UBE2Q2: variants seen among roughly 807,000 people sequenced by gnomAD.
The protein encoded by UBE2Q2 is ubiquitin conjugating enzyme E2 Q2.
UBE2Q2 carries 54 observed loss-of-function variants against 59.9 expected under a neutral mutation model. The ratio of observed to expected loss-of-function variants is 0.90; its 90% confidence interval spans 0.72 to 1.13. UBE2Q2 has a LOEUF of 1.13. UBE2Q2 is among the 50% of genes most tolerant of loss of function. The probability of loss-of-function intolerance (pLI) is 0.00; values close to 1 mark genes in which losing one functional copy is unlikely to be tolerated. For missense variants in UBE2Q2, 433 were observed against 441.9 expected (o/e 0.98, Z 0.18); for synonymous variants, 165 against 155.2 (o/e 1.06, Z -0.47).
At chr15:75,878,590 C>A (rs947515725) in intron 7 of UBE2Q2, among the ~76,000 whole-genome samples, 37 of 109,404 alleles carry the variant, frequency 3.4e-4, no homozygotes, top group Admixed American at 1.2e-4. Flanking sequence ...GAATGAGGCA[C>A]CCGGTCTCTT....
rs1595896359 is a variant in UBE2Q2, at chr15:75,890,000, A to G, written c.885-435A>G. Among the ~76,000 whole-genome samples, 4 of 152,192 alleles carry G rather than the reference A, an allele frequency of 2.6e-5. No individual in the cohort carries two copies. The East Asian group carries it at 5.8e-4, about 22-fold the overall frequency. Reference sequence around the variant, plus strand: ...AAAACAATTTGAACCATAAAACCATACAGATCTTCATAGCATGGATAGGGT... The same window carrying G: ...AAAACAATTTGAACCATAAAACCATGCAGATCTTCATAGCATGGATAGGGT... On this transcript the variant is annotated intron_variant, in intron 9 of 12. Coordinates refer to ENST00000267938, the MANE Select transcript of UBE2Q2 (RefSeq NM_173469.4).
chr15:75,845,368 A>T (rs1380750250), intron 1 of UBE2Q2, among the ~76,000 whole-genome samples: 1 of 152,218 alleles, frequency 6.6e-6, no homozygotes, highest in East Asian at 1.9e-4. Context: ...GAAGCCCACG[A>T]TACAGGCTGG....
chr15:75,898,287 T>C (rs892798446), intron 12 of UBE2Q2, among the ~76,000 whole-genome samples: 1 of 152,112 alleles, frequency 6.6e-6, no homozygotes, highest in Admixed American at 6.6e-5. Flanking sequence ...AGTGTGTGGG[T>C]ATGTGTAAGC....
chr15:75,891,184 TAAAGA>T (rs1899081902), intron 11 of UBE2Q2, among the ~76,000 whole-genome samples, 170 bp downstream of exon 11: 2 of 152,222 alleles, frequency 1.3e-5, no homozygotes, highest in Admixed American at 1.3e-4. Context: ...ATAAGAAAAT[TAAAGA>T]TACTAATTGA....
Position 75,899,522 on chromosome 15 carries a change from CA to C in UBE2Q2, c.*68del. 1 of 1,425,308 alleles carries C rather than the reference CA, an allele frequency of 7.0e-7. No homozygotes were observed. The highest frequency in any genetic ancestry group is 9.7e-7 in the Non-Finnish European group (1 of 1,035,368). The allele number at this position is 1,425,308 out of a possible 1,614,324, so 88.3% of individuals were successfully genotyped here. ...AAAGAAAATCTTTCTAACATGCAGA[CA>C]AAAGCTTTGAGTGCCCCTATTACAG... On this transcript the variant is annotated 3_prime_UTR_variant, in exon 13 of 13. Transcript: ENST00000267938.
At chr15:75,875,415 A>AT (rs1268009120) in intron 5 of UBE2Q2, among the ~76,000 whole-genome samples, 1 of 152,182 alleles carries the variant, frequency 6.6e-6, no homozygotes, top group African/African-American at 2.4e-5. Flanking sequence ...ATCTTTAGAG[A>AT]TGTCCCTGCA....
At chr15:75,861,872 C>T (rs1015410179) in intron 3 of UBE2Q2, among the ~76,000 whole-genome samples, 38 of 152,142 alleles carry the variant, frequency 2.5e-4, no homozygotes, top group Admixed American at 1.0e-3. Context: ...GTGGTTTAGA[C>T]GGTGGCAGGG....
chr15:75,875,274 T>C (rs941156689), intron 5 of UBE2Q2, among the ~76,000 whole-genome samples: 2 of 123,950 alleles, frequency 1.6e-5, no homozygotes. Flanking sequence ...TTTGTAGATA[T>C]GAAATGAGCT....
rs1896124610 is a variant in UBE2Q2, at chr15:75,843,503, C to T, written c.-164C>T. 3.0e-6 allele frequency: 1 copy of T among 333,820 alleles called. No homozygotes were observed. The highest frequency in any genetic ancestry group is 6.6e-5 in the East Asian group (1 of 15,210). 20.7% of individuals were successfully genotyped at this position (333,820 alleles called of 1,614,324 possible). On this transcript the variant is annotated 5_prime_UTR_variant, in exon 1 of 13. Transcript: ENST00000267938. ...AGGCCGCCACACGCCGAGGCTTCCG[C>T]GCCCCTCGCCATTTTCCAGCAGCGC...
At chr15:75,860,208 C>T (rs747330809) in intron 3 of UBE2Q2, among the ~76,000 whole-genome samples, 6 of 152,192 alleles carry the variant, frequency 3.9e-5, no homozygotes, top group Non-Finnish European at 5.9e-5. Flanking sequence ...CTTCTCTCTA[C>T]CACCACCTTT....
intron 5 of UBE2Q2, among the ~76,000 whole-genome samples, chr15:75,874,947 C>T (rs1897995889): frequency 6.6e-6 from 1 of 152,188 alleles, no homozygotes; most frequent in South Asian, 2.1e-4. Context: ...GTAGATTACT[C>T]TCCCTCCTTC....
intron 5 of UBE2Q2, among the ~76,000 whole-genome samples, chr15:75,874,829 A>G (rs1347353828): frequency 2.0e-5 from 3 of 152,346 alleles, no homozygotes; most frequent in Non-Finnish European, 2.9e-5. Flanking sequence ...TGTTAGAGCT[A>G]TTGACCAACT....
chr15:75,892,688 C>T (rs956227153), intron 11 of UBE2Q2, among the ~76,000 whole-genome samples: 3 of 151,774 alleles, frequency 2.0e-5, no homozygotes, highest in African/African-American at 4.8e-5. Flanking sequence ...GGTGAGAACT[C>T]GTCTACACAA....
intron 3 of UBE2Q2, among the ~76,000 whole-genome samples, chr15:75,866,651 C>G (rs533219390): frequency 6.6e-6 from 1 of 152,214 alleles, no homozygotes; most frequent in South Asian, 2.1e-4. Flanking sequence ...TGTTTTCTCC[C>G]CCATCTCCTT....
chr15:75,857,479 A>G (rs926136769), intron 2 of UBE2Q2, among the ~76,000 whole-genome samples: 1 of 152,196 alleles, frequency 6.6e-6, no homozygotes, highest in Admixed American at 6.5e-5. Flanking sequence ...GTTTATCAAA[A>G]CCTAGTTTCT....
At chr15:75,864,820 ATTAT>A (rs1282531530) in intron 3 of UBE2Q2, among the ~76,000 whole-genome samples, 3 of 152,006 alleles carry the variant, frequency 2.0e-5, no homozygotes, top group Non-Finnish European at 2.9e-5. Flanking sequence ...TTATGTCTTA[ATTAT>A]TTCCCCTTTT....
intron 1 of UBE2Q2, chr15:75,844,690 T>G: frequency 2.0e-6 from 1 of 496,410 alleles, no homozygotes; most frequent in Non-Finnish European, 3.6e-6. Context: ...GTATTAAGTT[T>G]CTCCATAAAA....
chr15:75,854,075 A>G (rs1214244748), intron 1 of UBE2Q2, among the ~76,000 whole-genome samples: 1 of 152,164 alleles, frequency 6.6e-6, no homozygotes, highest in East Asian at 1.9e-4. Flanking sequence ...GTGAGTCACT[A>G]GGTCCAGGGG....
intron 8 of UBE2Q2, 39 bp from the exon 9 acceptor site, chr15:75,883,327 G>C (rs1284929661): frequency 6.5e-7 from 1 of 1,548,826 alleles, no homozygotes; most frequent in Non-Finnish European, 8.9e-7. Flanking sequence ...CACTAAGGAT[G>C]TTCTTTAAAT....
Sources: allele counts gnomAD v4.1 joint callset (sites outside exome capture counted in the v4.1 genomes callset), GRCh38; gene constraint gnomAD v4.1.1; transcripts MANE v1.5; gene names NCBI Gene and HGNC (gene_info 2026-07-23, HGNC 2026-07-21).